TBX18: variants seen among roughly 807,000 people sequenced by gnomAD.
The protein encoded by TBX18 is T-box transcription factor 18.
A neutral mutation model predicts 55.0 loss-of-function variants in TBX18; 21 were observed. The ratio of observed to expected loss-of-function variants is 0.38; its 90% CI spans 0.27 to 0.55. The LOEUF (loss-of-function observed/expected upper bound fraction) is 0.55. Among genes scored for constraint, TBX18 ranks in the 20% least tolerant of loss-of-function variants. The pLI is 0.73. For missense variants in TBX18, 840 were observed against 799.6 expected (o/e 1.05, Z -0.61); for synonymous variants, 342 against 326.1 (o/e 1.05, Z -0.53).
At chr6:84,754,917 G>A (rs1327300671) in intron 4 of TBX18, among the ~76,000 whole-genome samples, 1 of 152,104 alleles carries the variant, frequency 6.6e-6, no homozygotes. Flanking sequence ...TTCTTCCCTA[G>A]GTCTCCAGGT....
chr6:84,763,823 C>T (rs1401439808), intron 1 of TBX18, 67 bp downstream of exon 1: 1 of 1,435,662 alleles, frequency 7.0e-7, no homozygotes. Context: ...CGCACGCACA[C>T]CCACAGACTC....
chr6:84,763,903 C>A lies in TBX18; in HGVS notation c.279G>T (p.Glu93Asp), dbSNP rs1384293276. Residue 93 changes from glutamate to aspartate, a missense_variant, in exon 1 of 8, where the codon GAG (glutamate) becomes GAT (aspartate). Transcript: ENST00000369663. ...GGGCCCACTCACCCGCGGCTCCGCG[C>A]TCCAGGTCTGCGCCACTCCGAGCCG... ...SGPARSGADLERGAAGGCEDG... is the reference protein window; with the variant it reads ...SGPARSGADLDRGAAGGCEDG... 2 of 1,533,022 alleles carry A rather than the reference C, an allele frequency of 1.3e-6. No homozygotes were observed. The highest frequency in any genetic ancestry group is 1.2e-5 in the South Asian group (1 of 81,234). 95.0% of individuals were successfully genotyped at this position (1,533,022 alleles called of 1,614,324 possible). A position where few individuals can be genotyped will look rare whatever the true frequency, so the allele number is the denominator to read the frequency against.
chr6:84,738,409 G>A (rs1008927800), intron 7 of TBX18, 88 bp downstream of exon 7: 17 of 978,586 alleles, frequency 1.7e-5, no homozygotes, highest in Admixed American at 1.2e-4. Context: ...ATTATTGTAA[G>A]TATAAATAAT....
intron 5 of TBX18, among the ~76,000 whole-genome samples, chr6:84,746,280 T>G (rs1407705918): frequency 6.6e-6 from 1 of 151,774 alleles, no homozygotes; most frequent in Non-Finnish European, 1.5e-5. Flanking sequence ...GAATTGAGAT[T>G]GTTAAAAGAA....
rs772028818 is a variant in TBX18, at chr6:84,738,617, G to A, written c.1005-26C>T. ...CTAAATGGAAAGGGTCAGGATAGGG[G>A]TGGACAAAAGAAGTCTAGTTAGGAG... is the stretch of plus-strand genomic sequence containing the variant. On this transcript the variant is annotated intron_variant, in intron 6 of 7. Transcript: ENST00000369663. 1.0e-5 allele frequency: 16 copies of A among 1,572,142 alleles called. No homozygotes were observed. In the South Asian group the frequency reaches 1.8e-4, roughly 17 times the overall value.
chr6:84,740,829 T>A (rs1259186048), intron 6 of TBX18, among the ~76,000 whole-genome samples: 1 of 152,174 alleles, frequency 6.6e-6, no homozygotes, highest in Non-Finnish European at 1.5e-5. Context: ...TTGAGGGAAG[T>A]TTACTAAGAT....
At position 84,733,696 on chromosome 6, in the gene TBX18, C is replaced by G. The variant is rs552354208; in HGVS notation, c.*2989G>C. 1 of 152,282 alleles carries G rather than the reference C, an allele frequency of 6.6e-6. No homozygotes were observed. The highest frequency in any genetic ancestry group is 1.9e-4 in the East Asian group (1 of 5,182). 9.4% of individuals were successfully genotyped at this position (152,282 alleles called of 1,614,324 possible). ...CCTGCTACAAAAATTACTTTTTCCTCTAAGTCAAACCTCCAGCTATCTCCA... is the reference window on the plus strand; with the variant it reads ...CCTGCTACAAAAATTACTTTTTCCTGTAAGTCAAACCTCCAGCTATCTCCA... On this transcript the variant is annotated 3_prime_UTR_variant, in exon 8 of 8. Transcript: ENST00000369663.
chr6:84,763,396 G>C, intron 1 of TBX18: 1 of 458,004 alleles, frequency 2.2e-6, no homozygotes, highest in Non-Finnish European at 4.4e-6. Context: ...GAAATCAAGA[G>C]GAGAAGGGAA....
At chr6:84,744,144 T>A in intron 6 of TBX18, 117 bp downstream of exon 6, 1 of 941,542 alleles carries the variant, frequency 1.1e-6, no homozygotes, top group South Asian at 1.7e-5. Flanking sequence ...ACAGTCCTCA[T>A]CAGAAATGAT....
At chr6:84,751,730 G>A (rs1483153519) in intron 4 of TBX18, among the ~76,000 whole-genome samples, 1 of 152,176 alleles carries the variant, frequency 6.6e-6, no homozygotes, top group Non-Finnish European at 1.5e-5. Context: ...GAATTGAGGA[G>A]AGAAACAAAA....
rs1354676203 is a variant in TBX18 at position 84,764,095 on chromosome 6, C to T, written c.87G>A (p.Glu29=). The T allele has an allele frequency of 6.3e-7, 1 of 1,586,604 alleles. No homozygotes were observed. The highest frequency in any genetic ancestry group is 8.5e-7 in the Non-Finnish European group (1 of 1,172,198). The change falls in exon 1 of 8, where the codon GAG becomes GAA. Residue 29 remains glutamate (E), a synonymous_variant. Transcript: ENST00000369663. The stretch of plus-strand genomic sequence containing the variant: ...GCTTCTTCTGAAGCTGTTGCTGCTT[C>T]TCGGCGCCGATCAGCGCCTCCACCG... The part of the protein sequence containing the change: ...AFSVEALIGA[E]KQQQLQKKRR...
intron 3 of TBX18, among the ~76,000 whole-genome samples, chr6:84,758,875 T>C (rs1018984897): frequency 6.6e-6 from 1 of 152,214 alleles, no homozygotes; most frequent in Non-Finnish European, 1.5e-5. Flanking sequence ...CAATTTGATC[T>C]TTTAAAACCT....
In TBX18 at chr6:84,735,931, A is replaced by G. The variant is rs1773926379; in HGVS notation, c.*754T>C. On this transcript the variant is annotated 3_prime_UTR_variant, in exon 8 of 8. Transcript: ENST00000369663. ...AGAACATTCTTTAATGGTCTATTTG[A>G]TATATAAAATAAGCAAAAAATCGAA... The G allele has an allele frequency of 6.6e-6, 1 of 152,156 alleles. No individual in the cohort carries two copies. Among genetic ancestry groups the G allele is most frequent in the East Asian group, 1.9e-4 (1 of 5,188 alleles). 9.4% of individuals were successfully genotyped at this position (152,156 alleles called of 1,614,324 possible).
rs554864770 is a variant in TBX18, at chr6:84,753,583, G to A, written c.771+3115C>T. On this transcript the variant is annotated intron_variant, in intron 4 of 7. Coordinates refer to ENST00000369663, the MANE Select transcript of TBX18 (RefSeq NM_001080508.3). ...GGCAGATGGGATGAACCTCAACTAT[G>A]TAAGGGTAGAGGGGTAAGTTCCCAA... Among the ~76,000 whole-genome samples the A allele has an allele frequency of 3.5e-4, 53 of 152,314 alleles. 1 individual carries two copies. Among genetic ancestry groups the A allele is most frequent in the Non-Finnish European group, 6.8e-4 (46 of 68,016 alleles).
chr6:84,748,421 C>T (rs1767254617), intron 4 of TBX18, among the ~76,000 whole-genome samples: 1 of 152,090 alleles, frequency 6.6e-6, no homozygotes, highest in African/African-American at 2.4e-5. Context: ...AGAGTCCAAA[C>T]CAATAAAATT....
At chr6:84,761,491 C>A (rs1767644839) in intron 2 of TBX18, among the ~76,000 whole-genome samples, 1 of 152,106 alleles carries the variant, frequency 6.6e-6, no homozygotes, top group African/African-American at 2.4e-5. Context: ...GAATTTGGAT[C>A]ATTAATAAAA....
At chr6:84,762,825 G>T in intron 1 of TBX18, 77 bp from the exon 2 acceptor site, 1 of 1,404,972 alleles carries the variant, frequency 7.1e-7, no homozygotes, top group Non-Finnish European at 9.8e-7. Context: ...GGGCCCACCT[G>T]GTGGCTGAGA....
intron 1 of TBX18, chr6:84,763,556 A>C: frequency 1.8e-6 from 1 of 561,706 alleles, no homozygotes; most frequent in Non-Finnish European, 3.4e-6. Flanking sequence ...TTTAAAAGTT[A>C]GGAAACAAAA....
chr6:84,743,912 C>T (rs1447524884), intron 6 of TBX18, among the ~76,000 whole-genome samples: 1 of 152,158 alleles, frequency 6.6e-6, no homozygotes, highest in African/African-American at 2.4e-5. Flanking sequence ...GTCGCATCAT[C>T]ACTAAAGAAA....
Sources: allele counts gnomAD v4.1 joint callset (sites outside exome capture counted in the v4.1 genomes callset), GRCh38; gene constraint gnomAD v4.1.1; transcripts MANE v1.5; gene names NCBI Gene and HGNC (gene_info 2026-07-23, HGNC 2026-07-21).